NEB: variants seen among roughly 807,000 people sequenced by gnomAD.
NEB encodes the protein nebulin.
In NEB, 512 loss-of-function variants were observed where a neutral mutation model predicts 952.2. The observed-to-expected ratio is 0.54, with a 90% CI of 0.50 to 0.58. NEB has a LOEUF of 0.58. Among genes scored for constraint, NEB ranks in the 20% least tolerant of loss-of-function variants. The pLI, the probability that NEB is intolerant of heterozygous loss-of-function variation, is 0.00. For synonymous variants in NEB, 2,900 were observed against 3,149.8 expected (o/e 0.92, Z 2.66); for missense variants, 8,428 against 9,231.1 (o/e 0.91, Z 3.56).
At chr2:151,617,790 G>A (rs565107060) in intron 74 of NEB, among the ~76,000 whole-genome samples, 7 of 151,254 alleles carry the variant, frequency 4.6e-5, no homozygotes, top group South Asian at 2.1e-4. Flanking sequence ...GGCTGGGCAC[G>A]GTGGCTTACA....
chr2:151,515,969 T>G (rs944615676), intron 157 of NEB, among the ~76,000 whole-genome samples: 3 of 152,220 alleles, frequency 2.0e-5, no homozygotes, highest in Non-Finnish European at 4.4e-5. Flanking sequence ...TGGTTAAAAA[T>G]GACCAAAAGA....
At position 151,642,840 on chromosome 2, in the gene NEB, A is replaced by T. The variant is rs2098897267; in HGVS notation, c.8190T>A (p.Asp2730Glu). 1 of 1,612,304 alleles carries T rather than the reference A, an allele frequency of 6.2e-7. No individual in the cohort carries two copies. Among genetic ancestry groups the T allele is most frequent in the African/African-American group, 1.3e-5 (1 of 74,926 alleles). ...CTGGCATAATGTGGACAGTGGTTTT[A>T]TCTTTATCCCAAGCTTCTGTATAGA... ...HRLYTEAWDK[D>E]KTTVHIMPDT... The change falls in exon 59 of 182, where the codon GAT becomes GAA. Residue 2730 changes from aspartate to glutamate, a missense_variant. Asp to Glu is a conservative substitution (Grantham distance 45). Around this residue, in one of 11 missense-constraint regions of NEB, gnomAD observed 1,772 missense variants for 1,960.3 expected, o/e 0.90. Transcript: ENST00000397345.
At chr2:151,506,444 T>C (rs2068935294) in intron 163 of NEB, 186 bp from the exon 164 acceptor site, 2 of 563,222 alleles carry the variant, frequency 3.6e-6, no homozygotes, top group Admixed American at 3.2e-5. Flanking sequence ...TTATACAACA[T>C]GGATCTTTCC....
At chr2:151,635,690 G>A (rs1236525613) in intron 64 of NEB, among the ~76,000 whole-genome samples, 1 of 124,998 alleles carries the variant, frequency 8.0e-6, no homozygotes, top group Non-Finnish European at 1.6e-5. Flanking sequence ...TGGGCAACAA[G>A]AGCAAAACTC....
chr2:151,697,733 A>G, intron 13 of NEB, 85 bp from the exon 14 acceptor site: 1 of 873,466 alleles, frequency 1.1e-6, no homozygotes, highest in Admixed American at 2.8e-5. Flanking sequence ...ACACTAAACA[A>G]AAGATGAAGA....
chr2:151,693,510 T>A (rs1050590961), intron 20 of NEB, among the ~76,000 whole-genome samples: 3 of 141,898 alleles, frequency 2.1e-5, no homozygotes, highest in Non-Finnish European at 4.5e-5. Flanking sequence ...AGTAAGAACA[T>A]GAGGTATTTG....
At chr2:151,506,095 C>T (rs566056296) in intron 164 of NEB, 71 bp downstream of exon 164, 1 of 1,298,254 alleles carries the variant, frequency 7.7e-7, no homozygotes, top group African/African-American at 1.5e-5. Flanking sequence ...GCTTTGAGTG[C>T]AACTCATAGG....
chr2:151,609,884 G>A lies in NEB; in HGVS notation c.12255C>T (p.Tyr4085=). Residue 4085 remains tyrosine, a synonymous_variant, in exon 81 of 182, where the codon TAC becomes TAT. Coordinates refer to ENST00000397345, the MANE Select transcript of NEB (RefSeq NM_001164508.2). Reference sequence around the variant, plus strand: ...CCGGCATGCATGTCCATTCATGCAGGTAATTGCGATAATCAATGTCAGTGA... The same window carrying A: ...CCGGCATGCATGTCCATTCATGCAGATAATTGCGATAATCAATGTCAGTGA... ...TLVTDIDYRN[Y]LHEWTCMPDQ... 6.2e-7 allele frequency: 1 copy of A among 1,613,464 alleles called. No individual in the cohort carries two copies. The highest frequency in any genetic ancestry group is 8.5e-7 in the Non-Finnish European group (1 of 1,179,506).
chr2:151,653,852 G>A (rs951291883), intron 52 of NEB, 140 bp downstream of exon 52: 11 of 532,070 alleles, frequency 2.1e-5, no homozygotes, highest in African/African-American at 5.8e-5. Flanking sequence ...AGTGAACTCC[G>A]GATAAATGAA....
chr2:151,672,540 G>A lies in NEB; in HGVS notation c.4128C>T (p.Asn1376=), dbSNP rs1340723785. 1 of 1,613,986 alleles carries A rather than the reference G, an allele frequency of 6.2e-7. No individual in the cohort carries two copies. Among genetic ancestry groups the A allele is most frequent in the Non-Finnish European group, 8.5e-7 (1 of 1,179,900 alleles). ...SDREYKKNYE[N]TKTSYHTPGD... ...CAGGGGTATGGTAGCTGGTTTTGGT[G>A]TTCTCATAGTTCTTCTTGTATTCAC... Residue 1376 remains asparagine, a synonymous_variant, in exon 37 of 182, where the codon AAC becomes AAT. Transcript: ENST00000397345.
rs1413870559 is a variant in NEB, at chr2:151,609,838, C to T, written c.12301G>A (p.Ala4101Thr). ...CTCTGCAGGTCATAGGCCTTTTTTG[C>T]TTGGATAATGTCGTTTTGATCCGGC... is the stretch of plus-strand genomic sequence containing the variant. ...CMPDQNDIIQAKKAYDLQSDS... is the reference protein window; with the variant it reads ...CMPDQNDIIQTKKAYDLQSDS... Residue 4101 changes from alanine to threonine, a missense_variant, in exon 81 of 182, where the codon GCA becomes ACA. Transcript: ENST00000397345. 14 of 1,590,530 alleles carry T rather than the reference C, an allele frequency of 8.8e-6. No individual in the cohort carries two copies. The Admixed American group carries it at 8.9e-5, about 10-fold the overall frequency.
chr2:151,642,931 T>A (rs552720477), intron 58 of NEB, 62 bp from the exon 59 acceptor site: 1 of 1,357,422 alleles, frequency 7.4e-7, no homozygotes, highest in African/African-American at 1.5e-5. Context: ...ATGCAGACAG[T>A]CTGATTTTTA....
In NEB at chr2:151,563,634, C is replaced by T. The variant is rs751002022; in HGVS notation, c.18665G>A (p.Cys6222Tyr). Residue 6222 changes from cysteine to tyrosine, a missense_variant, in exon 119 of 182, where the codon TGT (cysteine) becomes TAT (tyrosine). Coordinates refer to ENST00000397345, the MANE Select transcript of NEB (RefSeq NM_001164508.2). ...VIGEFPGVVHCLDFQKMRSAL... is the reference protein window; with the variant it reads ...VIGEFPGVVHYLDFQKMRSAL... ...ACTCCTCATCTTTTGGAAATCCAGA[C>T]AGTGAACCACACCAGGGAATTCACC... The T allele has an allele frequency of 1.2e-6, 2 of 1,613,860 alleles. No homozygotes were observed. The highest frequency in any genetic ancestry group is 3.3e-5 in the Admixed American group (2 of 60,018).
chr2:151,541,580 T>C, intron 135 of NEB, 29 bp from the exon 136 acceptor site: 1 of 1,567,562 alleles, frequency 6.4e-7, no homozygotes, highest in Non-Finnish European at 8.8e-7. Flanking sequence ...ATCACCATCA[T>C]TTCTGTTTCA....
At position 151,577,871 on chromosome 2, in the gene NEB, G is replaced by A. The variant is rs188291311; in HGVS notation, c.16704+1467C>T. On this transcript the variant is annotated intron_variant, in intron 105 of 181. Transcript: ENST00000397345. ...TGAGATTACAGGTGTGAGCCACAGC[G>A]CCCAGCCTATGTCATGTTTTTTCTT... Among the ~76,000 whole-genome samples, 301 of 152,194 alleles carry A rather than the reference G, an allele frequency of 2.0e-3. 4 individuals carry two copies. Among genetic ancestry groups the A allele is most frequent in the Non-Finnish European group, 2.3e-3 (156 of 67,998 alleles).
Position 151,502,876 on chromosome 2 carries a change from T to C in NEB, c.23845A>G (p.Lys7949Glu), listed in dbSNP as rs1317065058. The C allele has an allele frequency of 1.9e-6, 3 of 1,595,206 alleles. No homozygotes were observed. Among genetic ancestry groups the C allele is most frequent in the Non-Finnish European group, 2.6e-6 (3 of 1,166,916 alleles). Residue 7949 changes from lysine (K) to glutamate (E), a missense_variant, in exon 167 of 182, where the codon AAA (lysine) becomes GAA (glutamate). By Grantham distance (56) the Lys-to-Glu change is moderately conservative. Around this residue, in one of 11 missense-constraint regions of NEB, gnomAD observed 3,374 missense variants for 3,651.5 expected, o/e 0.92. Transcript: ENST00000397345. ...GGGATTCCTTTCCCCAAATTTTCTTTGTACAAAACCTGTGAGATACAAGAA... is the reference window on the plus strand; with the variant it reads ...GGGATTCCTTTCCCCAAATTTTCTTCGTACAAAACCTGTGAGATACAAGAA... ...NQENFSSVLY[K>E]ENLGKGIPTP...
intron 142 of NEB, chr2:151,534,265 C>T (rs2092583991): frequency 3.1e-6 from 5 of 1,613,556 alleles, no homozygotes; most frequent in Admixed American, 1.7e-5. Context: ...CTAGGCTCAT[C>T]GACTACCAGG....
In NEB at chr2:151,494,216, G is replaced by T; in HGVS notation, c.24524C>A (p.Thr8175Asn). The T allele has an allele frequency of 6.2e-7, 1 of 1,607,154 alleles. No individual in the cohort carries two copies. The highest frequency in any genetic ancestry group is 8.5e-7 in the Non-Finnish European group (1 of 1,176,298). The change falls in exon 174 of 182, where the codon ACC becomes AAC. Residue 8175 changes from threonine to asparagine, a missense_variant. Physicochemically the swap from Thr to Asn is moderately conservative, Grantham distance 65. Coordinates refer to ENST00000397345, the MANE Select transcript of NEB (RefSeq NM_001164508.2). ...YKENVGKATA[T>N]PVTPEMQRVK... Reference sequence around the variant, plus strand: ...TCTCTGCATCTCAGGAGTGACAGGGGTTGCGGTGGCTTTCCCCACATTTTC... The same window carrying T: ...TCTCTGCATCTCAGGAGTGACAGGGTTTGCGGTGGCTTTCCCCACATTTTC...
Position 151,534,542 on chromosome 2 carries a change from A to G in NEB, c.21313-996T>C, listed in dbSNP as rs183726277. On this transcript the variant is annotated intron_variant, in intron 142 of 181. Coordinates refer to ENST00000397345, the MANE Select transcript of NEB (RefSeq NM_001164508.2). ...AGGTCAGATTTATGACACCAAAATT[A>G]GAGTTCCTTGTGCCCAAACATTTTC... Among the ~76,000 whole-genome samples, 7 of 152,338 alleles carry G rather than the reference A, an allele frequency of 4.6e-5. 1 individual carries two copies. In the East Asian group the frequency reaches 1.3e-3, roughly 29 times the overall value.
Sources: gnomAD v4.1 joint callset for allele counts (sites outside exome capture counted in the v4.1 genomes callset) on GRCh38, gnomAD v4.1.1 for gene constraint, gnomAD v4.1.1 regional missense constraint, MANE v1.5 for transcripts, NCBI Gene and HGNC (gene_info 2026-07-23, HGNC 2026-07-21) for gene names.